Variants in CD96 observed in about 807,000 individuals in gnomAD.
CD96 encodes the protein T-cell surface protein tactile.
In CD96, 70 loss-of-function variants were observed where a neutral mutation model predicts 71.3. The observed-to-expected ratio is 0.98, with a 90% confidence interval of 0.81 to 1.20. The LOEUF (loss-of-function observed/expected upper bound fraction) is 1.20, where lower values mean the gene tolerates loss of function less well. Ranked by LOEUF, CD96 falls within the 50% of genes most tolerant of loss-of-function variation. The pLI is 0.00. For missense variants in CD96, 742 were observed against 677.5 expected (o/e 1.10, Z -1.06); for synonymous variants, 248 against 233.0 (o/e 1.06, Z -0.59).
intron 2 of CD96, among the ~76,000 whole-genome samples, chr3:111,554,663 T>TTTAAAA (rs768189486): frequency 4.6e-5 from 7 of 152,122 alleles, no homozygotes; most frequent in Non-Finnish European, 8.8e-5. Flanking sequence ...AAAGCAGCAG[T>TTTAAAA]ACCCAACTTT....
intron 10 of CD96, among the ~76,000 whole-genome samples, chr3:111,626,576 T>C (rs1341677389): frequency 6.6e-6 from 1 of 152,176 alleles, no homozygotes; most frequent in Non-Finnish European, 1.5e-5. Context: ...ATTCTATTCC[T>C]AGATATAAAA....
downstream of CD96, among the ~76,000 whole-genome samples, chr3:111,653,929 GA>G (rs1034882300): frequency 1.4e-4 from 22 of 152,112 alleles, no homozygotes; most frequent in Admixed American, 9.8e-4. Flanking sequence ...AGAAAATGAG[GA>G]AATGAAAGAG....
intron 2 of CD96, among the ~76,000 whole-genome samples, chr3:111,547,860 A>C (rs1026559762): frequency 1.6e-4 from 24 of 152,142 alleles, no homozygotes; most frequent in African/African-American, 5.3e-4. Flanking sequence ...GCAAAACAGA[A>C]GGGGGAAACA....
downstream of CD96, among the ~76,000 whole-genome samples, chr3:111,656,877 G>A (rs767019688): frequency 6.6e-6 from 1 of 152,126 alleles, no homozygotes; most frequent in Non-Finnish European, 1.5e-5. Flanking sequence ...TGCTGGAGTT[G>A]AGGGGTAAAG....
At chr3:111,631,755 G>T (rs1939073448) in intron 10 of CD96, among the ~76,000 whole-genome samples, 1 of 152,116 alleles carries the variant, frequency 6.6e-6, no homozygotes, top group African/African-American at 2.4e-5. Context: ...AACCAAAACA[G>T]CATTGTACTG....
Position 111,649,795 on chromosome 3 carries a change from G to C in CD96, c.1699G>C (p.Glu567Gln), listed in dbSNP as rs979289215. 1.3e-6 allele frequency: 2 copies of C among 1,595,626 alleles called. No homozygotes were observed. The highest frequency in any genetic ancestry group is 3.3e-5 in the Admixed American group (2 of 59,996). The change falls in exon 14 of 14, where the codon GAG becomes CAG. Residue 567 changes from glutamate to glutamine, a missense_variant. Transcript: ENST00000352690. The stretch of plus-strand genomic sequence containing the variant: ...AAGTGATCTGCCTTATCATGAGATG[G>C]AGACCCTCTAGTCTCGTGAGACTTT... The part of the protein sequence containing the change: ...NESDLPYHEM[E>Q]TL
At chr3:111,555,847 T>C (rs906737793) in intron 2 of CD96, among the ~76,000 whole-genome samples, 1 of 152,308 alleles carries the variant, frequency 6.6e-6, no homozygotes, top group Non-Finnish European at 1.5e-5. Context: ...CTTCAAATAT[T>C]TGATCCATCC....
At chr3:111,562,131 C>G (rs919167317) in intron 2 of CD96, among the ~76,000 whole-genome samples, 4 of 152,224 alleles carry the variant, frequency 2.6e-5, no homozygotes, top group African/African-American at 9.6e-5. Context: ...TGAGATGAAC[C>G]CAGTACCTCA....
chr3:111,663,952 A>G (rs1049742287), intron 14 of CD96, among the ~76,000 whole-genome samples: 2 of 152,016 alleles, frequency 1.3e-5, no homozygotes, highest in Non-Finnish European at 2.9e-5. Context: ...GGGTTTCACC[A>G]TGTTAGCCAG....
At chr3:111,593,532 C>T in intron 5 of CD96, 1 of 1,511,498 alleles carries the variant, frequency 6.6e-7, no homozygotes, top group Non-Finnish European at 8.9e-7. Context: ...AGAATAGATT[C>T]TCCAAGCCCA....
At chr3:111,593,458 T>C (rs7612391) in intron 5 of CD96, 52,630 of 1,464,614 alleles carry the variant, frequency 0.036, 1,215 homozygotes, top group South Asian at 0.095. Flanking sequence ...ACCAAACTAC[T>C]TTGCTTTACA....
intron 13 of CD96, 95 bp downstream of exon 13, chr3:111,647,761 A>G (rs1034641316): frequency 1.5e-5 from 14 of 912,516 alleles, no homozygotes; most frequent in African/African-American, 6.6e-5. Flanking sequence ...AGTTCCTCCC[A>G]TATTTTAATG....
At chr3:111,543,172 A>G (rs1934196529) in intron 1 of CD96, among the ~76,000 whole-genome samples, 1 of 152,194 alleles carries the variant, frequency 6.6e-6, no homozygotes, top group South Asian at 2.1e-4. Flanking sequence ...TTTTACTTTT[A>G]AGAGGCTTGT....
intron 2 of CD96, among the ~76,000 whole-genome samples, chr3:111,566,629 C>T (rs1450845407): frequency 6.6e-6 from 1 of 152,048 alleles, no homozygotes; most frequent in Non-Finnish European, 1.5e-5. Context: ...TATTTGTAAA[C>T]TTCTTTTGAT....
chr3:111,550,751 A>C (rs1934660771), intron 2 of CD96, among the ~76,000 whole-genome samples: 1 of 152,130 alleles, frequency 6.6e-6, no homozygotes, highest in African/African-American at 2.4e-5. Flanking sequence ...AGATTGAGGA[A>C]GGTTTGAAAC....
intron 4 of CD96, among the ~76,000 whole-genome samples, chr3:111,580,100 T>G (rs1936398729): frequency 6.6e-6 from 1 of 152,142 alleles, no homozygotes; most frequent in South Asian, 2.1e-4. Context: ...AAGTTCCTCC[T>G]CCCCTGCTAT....
chr3:111,647,827 T>C (rs1269322053), intron 13 of CD96, among the ~76,000 whole-genome samples, 161 bp downstream of exon 13: 1 of 152,194 alleles, frequency 6.6e-6, no homozygotes. Context: ...CAGCATTACA[T>C]AGTTGGGATT....
intron 2 of CD96, among the ~76,000 whole-genome samples, chr3:111,554,620 A>G (rs1934894493): frequency 6.6e-6 from 1 of 152,098 alleles, no homozygotes; most frequent in Non-Finnish European, 1.5e-5. Context: ...TATATGTATT[A>G]AACTCAACAG....
At chr3:111,633,019 C>T (rs747994368) in intron 10 of CD96, among the ~76,000 whole-genome samples, 9 of 152,244 alleles carry the variant, frequency 5.9e-5, no homozygotes, top group Non-Finnish European at 1.0e-4. Context: ...AAAGGCCTAG[C>T]TTTGAGCCCA....
Sources: gnomAD v4.1 joint callset for allele counts (sites outside exome capture counted in the v4.1 genomes callset) on GRCh38, gnomAD v4.1.1 for gene constraint, MANE v1.5 for transcripts, NCBI Gene and HGNC (gene_info 2026-07-23, HGNC 2026-07-21) for gene names.